Variants in MYH10 observed in about 807,000 individuals in gnomAD.
MYH10 encodes the protein myosin heavy chain 10.
In MYH10, 55 loss-of-function variants were observed where a neutral mutation model predicts 257.8. The observed-to-expected ratio is 0.21, with a 90% CI of 0.17 to 0.27. The LOEUF is 0.27. Among genes scored for constraint, MYH10 ranks in the 10% least tolerant of loss-of-function variants. The pLI, the probability that MYH10 is intolerant of heterozygous loss-of-function variation, is 1.00. For synonymous variants in MYH10, 854 were observed against 921.7 expected (o/e 0.93, Z 1.33); for missense variants, 1,631 against 2,500.6 (o/e 0.65, Z 7.42).
At chr17:8,626,391 C>T (rs1272792928) in intron 1 of MYH10, among the ~76,000 whole-genome samples, 1 of 151,844 alleles carries the variant, frequency 6.6e-6, no homozygotes, top group Non-Finnish European at 1.5e-5. Flanking sequence ...CATAGCGAAA[C>T]CCCGTCTCTA....
rs1225399085 is a variant in MYH10, at chr17:8,546,534, T to G, written c.1278+10A>C. 1.9e-6 allele frequency: 3 copies of G among 1,604,022 alleles called. No individual in the cohort carries two copies. The highest frequency in any genetic ancestry group is 1.7e-5 in the Admixed American group (1 of 59,746). Reference sequence around the variant, plus strand: ...AACAAATCAGTAATAACAATGAACATGAAACCTACCTGTTCTTTGGTCTGG... The same window carrying G: ...AACAAATCAGTAATAACAATGAACAGGAAACCTACCTGTTCTTTGGTCTGG... On this transcript the variant is annotated intron_variant, in intron 12 of 42. Transcript: ENST00000360416.
intron 3 of MYH10, among the ~76,000 whole-genome samples, chr17:8,596,277 T>C (rs747607626): frequency 1.5e-4 from 23 of 151,606 alleles, no homozygotes; most frequent in Non-Finnish European, 2.9e-4. Context: ...CTCAGCCTCC[T>C]GAGCAGCTGG....
chr17:8,629,381 T>G (rs1234403796), intron 1 of MYH10, among the ~76,000 whole-genome samples: 2 of 115,078 alleles, frequency 1.7e-5, no homozygotes, highest in East Asian at 6.1e-4. Context: ...ACCGCAGTGA[T>G]CTTGAAGGGA....
chr17:8,592,356 A>G (rs2084179281), intron 3 of MYH10, among the ~76,000 whole-genome samples: 1 of 152,142 alleles, frequency 6.6e-6, no homozygotes, highest in South Asian at 2.1e-4. Flanking sequence ...AATGAAACCA[A>G]ATGTTCCTTC....
Position 8,542,245 on chromosome 17 carries a change from G to A in MYH10, c.1467C>T (p.Thr489=), listed in dbSNP as rs2151945465. The A allele has an allele frequency of 3.7e-6, 6 of 1,614,042 alleles. No homozygotes were observed. The highest frequency in any genetic ancestry group is 5.1e-6 in the Non-Finnish European group (6 of 1,179,998). ...NSFEQLCINY[T]NEKLQQLFNH... ...TGAACAGCTGCTGCAGCTTCTCATT[G>A]GTGTAGTTGATGCAAAGTTGTTCAA... Residue 489 remains threonine (T), a synonymous_variant, in exon 14 of 43, where the codon ACC becomes ACT. Coordinates refer to ENST00000360416, the MANE Select transcript of MYH10 (RefSeq NM_001256012.3).
intron 37 of MYH10, among the ~76,000 whole-genome samples, chr17:8,483,540 C>G (rs977954456): frequency 2.6e-5 from 4 of 152,222 alleles, no homozygotes; most frequent in Non-Finnish European, 4.4e-5. Flanking sequence ...TTCATATTAA[C>G]TGATAATAAC....
chr17:8,594,652 T>C (rs1008490444), intron 3 of MYH10, among the ~76,000 whole-genome samples: 2 of 152,206 alleles, frequency 1.3e-5, no homozygotes, highest in Non-Finnish European at 2.9e-5. Context: ...CCGTTATCTG[T>C]GGGGGATTGG....
Position 8,512,085 on chromosome 17 carries a change from G to A in MYH10, c.2952+366C>T, listed in dbSNP as rs184164392. On this transcript the variant is annotated intron_variant, in intron 24 of 42. Transcript: ENST00000360416. ...GAGCGTTTCTTATTAGCCAAACCAC[G>A]TAGTAGATGTCTATCTAATGAATGG... is the stretch of plus-strand genomic sequence containing the variant. Among the ~76,000 whole-genome samples the A allele has an allele frequency of 9.9e-5, 15 of 152,280 alleles. No individual in the cohort carries two copies. In the East Asian group the frequency reaches 2.7e-3, roughly 27 times the overall value.
At chr17:8,531,053 G>T (rs999648060) in intron 16 of MYH10, among the ~76,000 whole-genome samples, 2 of 152,150 alleles carry the variant, frequency 1.3e-5, no homozygotes, top group Admixed American at 6.5e-5. Context: ...TGACTGCAGT[G>T]AAGTCACAGC....
chr17:8,602,257 C>T (rs7222420), intron 3 of MYH10, among the ~76,000 whole-genome samples: 147,774 of 152,286 alleles, frequency 0.97, 71,872 homozygotes, highest in Middle Eastern at 1. Context: ...GGATTATAGG[C>T]GTGAGCCACC....
intron 6 of MYH10, among the ~76,000 whole-genome samples, chr17:8,574,146 G>A (rs1404791449): frequency 6.6e-6 from 1 of 152,150 alleles, no homozygotes; most frequent in East Asian, 1.9e-4. Flanking sequence ...ATTCACTGAT[G>A]AATGGATAAA....
intron 3 of MYH10, among the ~76,000 whole-genome samples, chr17:8,592,744 TA>T (rs2084194688): frequency 8.3e-6 from 1 of 120,314 alleles, no homozygotes; most frequent in Non-Finnish European, 1.7e-5. Context: ...ATAAACTCTT[TA>T]GAAAACTGAA....
chr17:8,561,139 T>C lies in MYH10; in HGVS notation c.757-7121A>G. On this transcript the variant is annotated intron_variant, in intron 7 of 42. Coordinates refer to ENST00000360416, the MANE Select transcript of MYH10 (RefSeq NM_001256012.3). ...TGGATTGTAGTTAAGTTTAGGATTA[T>C]AAAATAAAAACTCAGTAACAAAAAC... 4.8e-6 allele frequency: 3 copies of C among 621,152 alleles called. No homozygotes were observed. In the South Asian group the frequency reaches 5.8e-5, roughly 12 times the overall value. The allele number at this position is 621,152 out of a possible 1,614,324, so 38.5% of individuals were successfully genotyped here. A position where few individuals can be genotyped will look rare whatever the true frequency, so the allele number is the denominator to read the frequency against.
At position 8,535,889 on chromosome 17, in the gene MYH10, A is replaced by G; in HGVS notation, c.1648T>C (p.Trp550Arg). The G allele has an allele frequency of 1.2e-6, 2 of 1,614,188 alleles. No individual in the cohort carries two copies. The highest frequency in any genetic ancestry group is 1.7e-6 in the Non-Finnish European group (2 of 1,180,030). The change falls in exon 15 of 43, where the codon TGG becomes CGG. Residue 550 changes from tryptophan (W) to arginine (R), a missense_variant. By Grantham distance (101) the Trp-to-Arg change is moderately radical. This residue lies in a region of MYH10 where 63 missense variants were observed against 167.9 expected (regional missense o/e 0.38). Transcript: ENST00000360416. This position sits in a 1 kb window ranked among gnomAD's most constrained non-coding sequence, Gnocchi z 4.3. ...GVLALLDEEC[W>R]FPKATDKTFV... ...GTTTTATCTGTGGCTTTAGGGAACCAGCATTCTTCATCCAAAAGGGCCAGT... is the reference window on the plus strand; with the variant it reads ...GTTTTATCTGTGGCTTTAGGGAACCGGCATTCTTCATCCAAAAGGGCCAGT...
chr17:8,597,620 A>ATTTTTTTT (rs5819201), intron 3 of MYH10, among the ~76,000 whole-genome samples: 2 of 145,794 alleles, frequency 1.4e-5, no homozygotes, highest in African/African-American at 2.5e-5. Context: ...TAGTTTACTC[A>ATTTTTTTT]TTTTTTTTTT....
intron 3 of MYH10, among the ~76,000 whole-genome samples, chr17:8,592,017 C>G (rs759892131): frequency 6.6e-6 from 1 of 152,156 alleles, no homozygotes; most frequent in Non-Finnish European, 1.5e-5. Context: ...TACTCTAAAA[C>G]CCTATACATG....
chr17:8,488,138 G>C (rs1362360060), intron 35 of MYH10, among the ~76,000 whole-genome samples: 1 of 152,176 alleles, frequency 6.6e-6, no homozygotes, highest in African/African-American at 2.4e-5. Context: ...CTCTGGAGCA[G>C]GCAGATGGGA....
chr17:8,562,549 C>T (rs1025069043), intron 7 of MYH10, among the ~76,000 whole-genome samples: 3 of 152,188 alleles, frequency 2.0e-5, no homozygotes, highest in African/African-American at 7.2e-5. Context: ...AATGCCCACT[C>T]CATAATTGAT....
chr17:8,607,906 C>T (rs977816588), intron 2 of MYH10, among the ~76,000 whole-genome samples: 3 of 152,190 alleles, frequency 2.0e-5, no homozygotes, highest in Admixed American at 1.3e-4. Flanking sequence ...AAAGTCATGA[C>T]CACCTTGTCA....
Sources: allele counts gnomAD v4.1 joint callset (sites outside exome capture counted in the v4.1 genomes callset), GRCh38; gene constraint gnomAD v4.1.1; regional missense constraint gnomAD v4.1.1; non-coding constraint Gnocchi (gnomAD v3.1); transcripts MANE v1.5; gene names NCBI Gene and HGNC (gene_info 2026-07-23, HGNC 2026-07-21).